Variants in RBM33 observed in about 807,000 individuals in gnomAD.
RBM33 encodes RNA binding motif protein 33.
In RBM33, 28 loss-of-function variants were observed where a neutral mutation model predicts 132.6. That is an observed-to-expected ratio of 0.21 (90% CI 0.16 to 0.29). The LOEUF (loss-of-function observed/expected upper bound fraction) is 0.29. Ranked by LOEUF, RBM33 falls within the 10% of genes least tolerant of loss-of-function variation. RBM33 has a pLI of 1.00. For missense variants in RBM33, 1,291 were observed against 1,518.5 expected (o/e 0.85, Z 2.49); for synonymous variants, 634 against 593.0 (o/e 1.07, Z -1.01).
At chr7:155,765,651 C>T (rs567818571) in intron 15 of RBM33, among the ~76,000 whole-genome samples, 1 of 152,336 alleles carries the variant, frequency 6.6e-6, no homozygotes, top group East Asian at 1.9e-4. Context: ...CTGCCTTCTG[C>T]GCTTCACCGC....
chr7:155,679,938 GT>G (rs147395418), intron 4 of RBM33, among the ~76,000 whole-genome samples: 2 of 151,182 alleles, frequency 1.3e-5, no homozygotes, highest in Non-Finnish European at 3.0e-5. Context: ...GGTGGAACAT[GT>G]TTTTTTTGCA....
chr7:155,772,467 C>T (rs548084067), intron 16 of RBM33, among the ~76,000 whole-genome samples: 19 of 152,274 alleles, frequency 1.2e-4, no homozygotes, highest in African/African-American at 4.3e-4. Flanking sequence ...ATGAGTCTGG[C>T]AGATTGGGAG....
intron 1 of RBM33, among the ~76,000 whole-genome samples, chr7:155,651,705 G>A (rs928718269): frequency 2.0e-5 from 3 of 151,834 alleles, no homozygotes; most frequent in South Asian, 4.2e-4. Flanking sequence ...GCCTCTTCTC[G>A]GCTACCCAAG....
At chr7:155,727,065 A>C (rs896759858) in intron 9 of RBM33, among the ~76,000 whole-genome samples, 2 of 152,272 alleles carry the variant, frequency 1.3e-5, no homozygotes, top group Admixed American at 6.5e-5. Flanking sequence ...TGCGTTTAAC[A>C]GAAAACTTAG....
rs191998664 is a variant in RBM33, at chr7:155,768,761, C to T, written c.3375+2106C>T. Among the ~76,000 whole-genome samples the T allele has an allele frequency of 1.4e-3, 215 of 152,284 alleles. 4 individuals are homozygous for T. Among genetic ancestry groups the T allele is most frequent in the African/African-American group, 4.9e-3 (203 of 41,556 alleles). The stretch of plus-strand genomic sequence containing the variant: ...CCTCGCGAGTAGCTGGGACTACAGA[C>T]GCGTGCCACGCCTGGCTAATTTTTT... On this transcript the variant is annotated intron_variant, in intron 16 of 17. Transcript: ENST00000401878.
chr7:155,692,736 A>C (rs1168152338), intron 5 of RBM33, among the ~76,000 whole-genome samples: 1 of 152,198 alleles, frequency 6.6e-6, no homozygotes, highest in Non-Finnish European at 1.5e-5. Context: ...AGTAGAGTAA[A>C]ATCTTATACT....
intron 7 of RBM33, among the ~76,000 whole-genome samples, chr7:155,708,851 CTCTT>C (rs1296861338): frequency 6.6e-6 from 1 of 152,150 alleles, no homozygotes; most frequent in Non-Finnish European, 1.5e-5. Flanking sequence ...GCTATTTTGT[CTCTT>C]TGAGTCTTGA....
intron 8 of RBM33, among the ~76,000 whole-genome samples, chr7:155,714,848 TG>T (rs1209967446): frequency 6.6e-6 from 1 of 152,088 alleles, no homozygotes; most frequent in African/African-American, 2.4e-5. Flanking sequence ...CTCCCATACG[TG>T]GGTGAGAAGT....
At chr7:155,684,328 GC>G (rs1799413408) in intron 5 of RBM33, among the ~76,000 whole-genome samples, 1 of 152,186 alleles carries the variant, frequency 6.6e-6, no homozygotes, top group South Asian at 2.1e-4. Flanking sequence ...AATACCAGAA[GC>G]CCTTTTTTCT....
intron 1 of RBM33, among the ~76,000 whole-genome samples, chr7:155,653,802 T>A (rs1375894292): frequency 6.6e-6 from 1 of 152,140 alleles, no homozygotes; most frequent in Non-Finnish European, 1.5e-5. Context: ...TGAATTGTTA[T>A]AGTAATAGCA....
rs972825667 is a variant in RBM33 at position 155,644,876 on chromosome 7, C to T, written c.-1C>T. Reference sequence around the variant, plus strand: ...GCTGAAGGCCGGGCCCCGCGAGTGCCATGGCGGCCGCCCTGGGAGCGAGCG... The same window carrying T: ...GCTGAAGGCCGGGCCCCGCGAGTGCTATGGCGGCCGCCCTGGGAGCGAGCG... On this transcript the variant is annotated 5_prime_UTR_variant, in exon 1 of 18. Transcript: ENST00000401878. The T allele has an allele frequency of 4.7e-6, 7 of 1,493,526 alleles. No homozygotes were observed. In the East Asian group the frequency reaches 1.7e-4, roughly 36 times the overall value. The allele number at this position is 1,493,526 out of a possible 1,614,324, so 92.5% of individuals were successfully genotyped here.
chr7:155,771,376 C>T (rs1802421217), intron 16 of RBM33, among the ~76,000 whole-genome samples: 1 of 152,076 alleles, frequency 6.6e-6, no homozygotes, highest in Non-Finnish European at 1.5e-5. Flanking sequence ...ATCTAGAAAA[C>T]AGGGTTTATT....
intron 7 of RBM33, among the ~76,000 whole-genome samples, chr7:155,708,069 G>A (rs916700376): frequency 6.6e-5 from 10 of 152,270 alleles, no homozygotes; most frequent in East Asian, 1.9e-4. Context: ...ACCACATGCC[G>A]TTTTTACATT....
At chr7:155,763,317 G>A (rs1355350787) in intron 14 of RBM33, among the ~76,000 whole-genome samples, 5 of 152,222 alleles carry the variant, frequency 3.3e-5, no homozygotes, top group African/African-American at 1.2e-4. Flanking sequence ...GGTGGAAGGC[G>A]CCGTGATGGG....
intron 1 of RBM33, among the ~76,000 whole-genome samples, chr7:155,654,543 A>G (rs1459901805): frequency 6.6e-6 from 1 of 152,084 alleles, no homozygotes. Flanking sequence ...CTTTCAACTC[A>G]CCTGAACTCC....
rs114043891 is a variant in RBM33, at chr7:155,665,893, C to A, written c.122+640C>A. Among the ~76,000 whole-genome samples, 1,064 of 152,194 alleles carry A rather than the reference C, an allele frequency of 7.0e-3. 17 individuals are homozygous for A. Among genetic ancestry groups the A allele is most frequent in the African/African-American group, 0.024 (1,000 of 41,528 alleles). On this transcript the variant is annotated intron_variant, in intron 2 of 17. Coordinates refer to ENST00000401878, the MANE Select transcript of RBM33 (RefSeq NM_053043.3). Reference sequence around the variant, plus strand: ...GTGGGGCTGAGAAATGATGGTTATTCTTTATAACTTTTTTAACACCTTAAA... The same window carrying A: ...GTGGGGCTGAGAAATGATGGTTATTATTTATAACTTTTTTAACACCTTAAA...
At position 155,763,875 on chromosome 7, in the gene RBM33, G is replaced by A; in HGVS notation, c.3043G>A (p.Glu1015Lys). The A allele has an allele frequency of 6.2e-7, 1 of 1,611,838 alleles. No homozygotes were observed. Among genetic ancestry groups the A allele is most frequent in the Non-Finnish European group, 8.5e-7 (1 of 1,179,054 alleles). ...GQPQRLPQPP[E>K]VGPQPARKVT... ...GCCCCAGCGGCTTCCCCAGCCTCCG[G>A]AAGTGGGACCACAGCCTGCCCGCAA... The change falls in exon 15 of 18, where the codon GAA (glutamate) becomes AAA (lysine). Residue 1015 changes from glutamate to lysine, a missense_variant. By Grantham distance (56) the Glu-to-Lys change is moderately conservative (BLOSUM62 1). This residue lies in a region of RBM33 where 841 missense variants were observed against 912.0 expected (regional missense o/e 0.92). Transcript: ENST00000401878.
intron 3 of RBM33, among the ~76,000 whole-genome samples, chr7:155,676,172 A>G (rs1799179796): frequency 6.6e-6 from 1 of 152,142 alleles, no homozygotes; most frequent in African/African-American, 2.4e-5. Flanking sequence ...GGCGCATAGT[A>G]CTGAGAAAGG....
chr7:155,733,051 G>T (rs1437754696), intron 9 of RBM33, among the ~76,000 whole-genome samples: 1 of 152,134 alleles, frequency 6.6e-6, no homozygotes, highest in Non-Finnish European at 1.5e-5. Context: ...AGTGAAGCAG[G>T]GTCAGGAGGA....
Sources: allele counts gnomAD v4.1 joint callset (sites outside exome capture counted in the v4.1 genomes callset), GRCh38; gene constraint gnomAD v4.1.1; regional missense constraint gnomAD v4.1.1; transcripts MANE v1.5; gene names NCBI Gene and HGNC (gene_info 2026-07-23, HGNC 2026-07-21).